NKAIN2: variants seen among roughly 807,000 people sequenced by gnomAD.
NKAIN2 encodes the protein sodium/potassium transporting ATPase interacting 2.
In NKAIN2, 14 loss-of-function variants were observed where a neutral mutation model predicts 32.6. That is an observed-to-expected ratio of 0.43 (90% CI 0.28 to 0.67). NKAIN2 has a LOEUF of 0.67. Ranked by LOEUF, NKAIN2 falls within the 30% of genes least tolerant of loss-of-function variation. NKAIN2 has a pLI of 0.17. For missense variants in NKAIN2, 198 were observed against 258.3 expected (o/e 0.77, Z 1.60); for synonymous variants, 80 against 87.2 (o/e 0.92, Z 0.46).
intron 4 of NKAIN2, among the ~76,000 whole-genome samples, chr6:124,789,226 T>C (rs955408564): frequency 2.0e-5 from 3 of 152,124 alleles, no homozygotes; most frequent in African/African-American, 7.2e-5. Context: ...TATCGATGCT[T>C]GTTACCTAGA....
chr6:124,738,842 A>G (rs1777070897), intron 4 of NKAIN2, among the ~76,000 whole-genome samples: 1 of 151,938 alleles, frequency 6.6e-6, no homozygotes, highest in Non-Finnish European at 1.5e-5. Flanking sequence ...ACTAAAGGAC[A>G]TATTATATGA....
intron 1 of NKAIN2, among the ~76,000 whole-genome samples, chr6:124,252,370 G>A (rs17557323): frequency 0.077 from 11,632 of 151,960 alleles, 481 homozygotes; most frequent in Middle Eastern, 0.1. Flanking sequence ...TGTGTTTAGC[G>A]ATACAGACAT....
intron 1 of NKAIN2, among the ~76,000 whole-genome samples, chr6:123,846,816 C>T (rs537991756): frequency 1.4e-5 from 2 of 145,600 alleles, no homozygotes; most frequent in Admixed American, 7.4e-5. Flanking sequence ...TACCACCCCC[C>T]ACGCCACCGC....
chr6:124,604,383 A>G (rs1782420333), intron 3 of NKAIN2, among the ~76,000 whole-genome samples: 1 of 152,008 alleles, frequency 6.6e-6, no homozygotes, highest in African/African-American at 2.4e-5. Flanking sequence ...AACATCTGCT[A>G]ATTTATGTTT....
chr6:124,785,880 G>A (rs905627417), intron 4 of NKAIN2, among the ~76,000 whole-genome samples: 1 of 152,162 alleles, frequency 6.6e-6, no homozygotes, highest in African/African-American at 2.4e-5. Flanking sequence ...CCTTGTTACT[G>A]GAGAGTGAGG....
chr6:123,888,543 G>C (rs913513673), intron 1 of NKAIN2, among the ~76,000 whole-genome samples: 1 of 151,836 alleles, frequency 6.6e-6, no homozygotes, highest in Non-Finnish European at 1.5e-5. Context: ...TTGTATTTTT[G>C]GTCTTTTGTC....
intron 1 of NKAIN2, among the ~76,000 whole-genome samples, chr6:123,835,194 A>C (rs546089035): frequency 1.1e-4 from 17 of 152,220 alleles, no homozygotes; most frequent in Non-Finnish European, 2.4e-4. Context: ...ATCCAGTTTC[A>C]TTCAATCAGT....
chr6:123,842,490 A>C (rs1243737903), intron 1 of NKAIN2, among the ~76,000 whole-genome samples: 1 of 152,136 alleles, frequency 6.6e-6, no homozygotes, highest in African/African-American at 2.4e-5. Context: ...CCCTATATAC[A>C]AATATAGTCT....
intron 1 of NKAIN2, among the ~76,000 whole-genome samples, chr6:123,998,469 G>T (rs1201665180): frequency 6.6e-6 from 1 of 152,094 alleles, no homozygotes; most frequent in African/African-American, 2.4e-5. Flanking sequence ...AGAAAGCTGT[G>T]CTGTGACGTT....
chr6:124,119,525 TG>T (rs1316206117), intron 1 of NKAIN2, among the ~76,000 whole-genome samples: 4 of 152,206 alleles, frequency 2.6e-5, no homozygotes, highest in African/African-American at 9.6e-5. Context: ...GATCATAGTT[TG>T]GGCCCTAAAG....
chr6:124,014,434 G>T (rs1414438411), intron 1 of NKAIN2, among the ~76,000 whole-genome samples: 1 of 151,860 alleles, frequency 6.6e-6, no homozygotes, highest in Non-Finnish European at 1.5e-5. Context: ...TTTACAAGTT[G>T]TTGTTTTTTT....
intron 1 of NKAIN2, among the ~76,000 whole-genome samples, chr6:124,243,838 T>A (rs1483010376): frequency 6.6e-6 from 1 of 152,148 alleles, no homozygotes; most frequent in Non-Finnish European, 1.5e-5. Flanking sequence ...CCACGTTATA[T>A]ACAGGAAATA....
intron 1 of NKAIN2, among the ~76,000 whole-genome samples, chr6:124,268,338 T>C (rs959760825): frequency 1.3e-5 from 2 of 152,228 alleles, no homozygotes; most frequent in Non-Finnish European, 2.9e-5. Flanking sequence ...TTCTGTGCTT[T>C]AGAGAGTTCC....
rs1787347154 is a variant in NKAIN2, at chr6:124,145,339, G to A, written c.55-137666G>A. On this transcript the variant is annotated intron_variant, in intron 1 of 6. Transcript: ENST00000368417. ...AAAAATGTTCAGAACAGCTTTATTT[G>A]TAATAGCCAAAAACTGAAATCAGCC... 2.0e-5 allele frequency among the ~76,000 whole-genome samples: 3 copies of A among 152,116 alleles called. No homozygotes were observed. The South Asian group carries it at 6.2e-4, about 32-fold the overall frequency.
chr6:123,994,928 A>G (rs1187630926), intron 1 of NKAIN2, among the ~76,000 whole-genome samples: 1 of 152,210 alleles, frequency 6.6e-6, no homozygotes, highest in South Asian at 2.1e-4. Flanking sequence ...TATGGCATAT[A>G]TGAGGGGGAG....
chr6:124,600,080 AG>A (rs1782249882), intron 3 of NKAIN2, among the ~76,000 whole-genome samples: 1 of 152,122 alleles, frequency 6.6e-6, no homozygotes. Flanking sequence ...ACCATGCTAC[AG>A]TGAGTAAAAG....
At chr6:124,560,991 G>T (rs949697365) in intron 3 of NKAIN2, among the ~76,000 whole-genome samples, 1 of 152,140 alleles carries the variant, frequency 6.6e-6, no homozygotes, top group African/African-American at 2.4e-5. Context: ...TCTAGACCCA[G>T]AGGTGATAGA....
intron 3 of NKAIN2, among the ~76,000 whole-genome samples, chr6:124,599,104 G>A (rs893476619): frequency 6.7e-6 from 1 of 149,804 alleles, no homozygotes; most frequent in Non-Finnish European, 1.5e-5. Flanking sequence ...AGTGAAAACA[G>A]CCTCTTGCCA....
intron 1 of NKAIN2, among the ~76,000 whole-genome samples, chr6:123,998,810 C>CATATAT (rs142017827): frequency 6.8e-4 from 87 of 127,768 alleles, no homozygotes; most frequent in African/African-American, 2.3e-3. Flanking sequence ...ATGGTATATA[C>CATATAT]ATATATATAT....
Sources: gnomAD v4.1 joint callset for allele counts (sites outside exome capture counted in the v4.1 genomes callset) on GRCh38, gnomAD v4.1.1 for gene constraint, MANE v1.5 for transcripts, NCBI Gene and HGNC (gene_info 2026-07-23, HGNC 2026-07-21) for gene names.